The following PLEKHA5 variants were observed in gnomAD, a reference collection of about 807,000 sequenced individuals.
PLEKHA5 encodes the protein pleckstrin homology domain containing A5.
PLEKHA5 carries 55 observed loss-of-function variants against 181.9 expected under a neutral mutation model. The ratio of observed to expected loss-of-function variants is 0.30; its 90% confidence interval spans 0.24 to 0.38. The LOEUF is 0.38. Ranked by LOEUF, PLEKHA5 falls within the 10% of genes least tolerant of loss-of-function variation. The pLI, the probability that PLEKHA5 is intolerant of heterozygous loss-of-function variation, is 1.00. For missense variants in PLEKHA5, 1,432 were observed against 1,549.5 expected (o/e 0.92, Z 1.27); for synonymous variants, 535 against 529.4 (o/e 1.01, Z -0.15).
At chr12:19,167,305 C>G (rs1029595837) in intron 3 of PLEKHA5, among the ~76,000 whole-genome samples, 2 of 151,392 alleles carry the variant, frequency 1.3e-5, no homozygotes, top group Admixed American at 1.3e-4. Flanking sequence ...ACATCAGATG[C>G]AATCGCTTGT....
Position 19,343,377 on chromosome 12 carries a change from C to G in PLEKHA5, c.2605C>G (p.Gln869Glu). The change falls in exon 22 of 32, where the codon CAG (glutamine) becomes GAG (glutamate). Residue 869 changes from glutamine to glutamate, a missense_variant. Gln to Glu is a conservative substitution (Grantham distance 29, BLOSUM62 2). Transcript: ENST00000429027. ...AQIQKELWRI[Q>E]DVMEGLSKHK... ...GATTCAGAAAGAACTTTGGCGAATTCAGGATGTCATGGAAGGGCTGAGTAA... is the reference window on the plus strand; with the variant it reads ...GATTCAGAAAGAACTTTGGCGAATTGAGGATGTCATGGAAGGGCTGAGTAA... 1 of 1,613,714 alleles carries G rather than the reference C, an allele frequency of 6.2e-7. No homozygotes were observed. The highest frequency in any genetic ancestry group is 8.5e-7 in the Non-Finnish European group (1 of 1,179,712).
chr12:19,269,725 GA>G (rs1448513412), intron 8 of PLEKHA5, 44 bp from the exon 9 acceptor site: 1 of 1,006,308 alleles, frequency 9.9e-7, no homozygotes, highest in Non-Finnish European at 1.5e-6. Context: ...TTCTTTTACA[GA>G]ATCCTATATT....
At chr12:19,336,305 G>T (rs528670300) in intron 20 of PLEKHA5, among the ~76,000 whole-genome samples, 1 of 152,252 alleles carries the variant, frequency 6.6e-6, no homozygotes, top group African/African-American at 2.4e-5. Context: ...CTACATTTTA[G>T]GAAATAAACA....
intron 15 of PLEKHA5, among the ~76,000 whole-genome samples, chr12:19,294,482 A>C (rs1431210681): frequency 6.6e-6 from 1 of 152,176 alleles, no homozygotes; most frequent in African/African-American, 2.4e-5. Flanking sequence ...GTCACATTTT[A>C]TACTATATAT....
chr12:19,318,640 C>G (rs1040423409), intron 16 of PLEKHA5, among the ~76,000 whole-genome samples: 1 of 152,120 alleles, frequency 6.6e-6, no homozygotes, highest in African/African-American at 2.4e-5. Flanking sequence ...AAGCAAACTA[C>G]GGCTGGGCGT....
rs564508499 is a variant in PLEKHA5, at chr12:19,286,785, G to C, written c.1780-688G>C. Among the ~76,000 whole-genome samples the C allele has an allele frequency of 3.3e-3, 503 of 151,908 alleles. 3 individuals are homozygous for C. The highest frequency in any genetic ancestry group is 0.012 in the African/African-American group (487 of 41,418). On this transcript the variant is annotated intron_variant, in intron 12 of 31. Transcript: ENST00000429027. ...GTTCGAGACCAGCCTGGCCAACATG[G>C]TGAAACCCCGTCTCTACTAAAAATA...
intron 11 of PLEKHA5, among the ~76,000 whole-genome samples, chr12:19,275,388 G>C (rs180739044): frequency 7.2e-4 from 109 of 152,288 alleles, no homozygotes; most frequent in African/African-American, 2.5e-3. Context: ...CCTGAGACAA[G>C]TAATATGGAG....
chr12:19,143,711 T>A (rs1040833275), intron 3 of PLEKHA5, among the ~76,000 whole-genome samples: 1 of 152,256 alleles, frequency 6.6e-6, no homozygotes, highest in Middle Eastern at 3.4e-3. Context: ...GTATATATAT[T>A]TTTAAAGATT....
chr12:19,304,390 G>A (rs1375718437), intron 15 of PLEKHA5, among the ~76,000 whole-genome samples: 1 of 152,170 alleles, frequency 6.6e-6, no homozygotes, highest in Non-Finnish European at 1.5e-5. Context: ...TTAAAAGGCA[G>A]TTAAAATCTC....
chr12:19,337,548 CA>C (rs1157232818), intron 21 of PLEKHA5, among the ~76,000 whole-genome samples: 10,589 of 61,626 alleles, frequency 0.17, 283 homozygotes, highest in African/African-American at 0.21. Context: ...GACTCTATCT[CA>C]AAAAAAAAAA....
At chr12:19,323,022 T>TTTTTC (rs1286056930) in intron 20 of PLEKHA5, among the ~76,000 whole-genome samples, 1 of 128,710 alleles carries the variant, frequency 7.8e-6, no homozygotes, top group East Asian at 2.3e-4. Flanking sequence ...CTAGATTTTT[T>TTTTTC]TTTTTTTTTT....
intron 3 of PLEKHA5, among the ~76,000 whole-genome samples, chr12:19,170,428 CTTT>C (rs58933149): frequency 3.1e-4 from 44 of 139,918 alleles, no homozygotes; most frequent in Non-Finnish European, 2.4e-4. Flanking sequence ...ATTCAGAAGA[CTTT>C]TTTTTTTTTT....
intron 11 of PLEKHA5, among the ~76,000 whole-genome samples, chr12:19,277,334 A>G (rs1290575163): frequency 6.6e-6 from 1 of 152,218 alleles, no homozygotes; most frequent in Non-Finnish European, 1.5e-5. Context: ...GTATAGAGAG[A>G]GTCAACAGAT....
Position 19,345,824 on chromosome 12 carries a change from G to A in PLEKHA5, c.2663-18G>A, listed in dbSNP as rs1414157661. On this transcript the variant is annotated intron_variant, in intron 22 of 31. Coordinates refer to ENST00000429027, the MANE Select transcript of PLEKHA5 (RefSeq NM_001256470.2). ...AGAAAGATATGTTTAATATAGTTAC[G>A]TTTTCTAATATTCCCAGGTATGATA... 3 of 1,251,620 alleles carry A rather than the reference G, an allele frequency of 2.4e-6. No individual in the cohort carries two copies. The highest frequency in any genetic ancestry group is 2.3e-5 in the East Asian group (1 of 42,650). The allele number at this position is 1,251,620 out of a possible 1,614,324, so 77.5% of individuals were successfully genotyped here.
At chr12:19,334,830 ATATATATATATAT>A (rs1400661458) in intron 20 of PLEKHA5, among the ~76,000 whole-genome samples, 3 of 36,986 alleles carry the variant, frequency 8.1e-5, no homozygotes, top group Admixed American at 4.0e-4. Context: ...AAAAAAAAAA[ATATATATATATAT>A]ATATATATAT....
chr12:19,156,633 A>G (rs1170683132), intron 3 of PLEKHA5, among the ~76,000 whole-genome samples: 1 of 151,978 alleles, frequency 6.6e-6, no homozygotes, highest in Non-Finnish European at 1.5e-5. Flanking sequence ...TGTATTTGGT[A>G]TGAACTCTGA....
At chr12:19,317,167 G>T (rs1425739440) in intron 16 of PLEKHA5, among the ~76,000 whole-genome samples, 1 of 152,062 alleles carries the variant, frequency 6.6e-6, no homozygotes, top group Non-Finnish European at 1.5e-5. Context: ...AGGAGTTTGA[G>T]ACTAGCCTGG....
chr12:19,132,380 T>G lies in PLEKHA5; in HGVS notation c.170-13T>G, dbSNP rs375126298. ...TTGAAGTAATACTAATTGTAATATATGTATTGTTTTAGATTTGCCTACTGG... is the reference window on the plus strand; with the variant it reads ...TTGAAGTAATACTAATTGTAATATAGGTATTGTTTTAGATTTGCCTACTGG... On this transcript the variant is annotated splice_polypyrimidine_tract_variant and intron_variant, in intron 2 of 31. Coordinates refer to ENST00000429027, the MANE Select transcript of PLEKHA5 (RefSeq NM_001256470.2). The G allele has an allele frequency of 7.7e-7, 1 of 1,294,378 alleles. No homozygotes were observed. Among genetic ancestry groups the G allele is most frequent in the African/African-American group, 1.5e-5 (1 of 67,880 alleles). 80.2% of individuals were successfully genotyped at this position (1,294,378 alleles called of 1,614,324 possible).
chr12:19,143,875 G>A (rs1037003265), intron 3 of PLEKHA5, among the ~76,000 whole-genome samples: 1 of 152,032 alleles, frequency 6.6e-6, no homozygotes, highest in Non-Finnish European at 1.5e-5. Flanking sequence ...TCTACTTCCA[G>A]GTAACTTTGT....
Sources: allele counts gnomAD v4.1 joint callset (sites outside exome capture counted in the v4.1 genomes callset), GRCh38; gene constraint gnomAD v4.1.1; transcripts MANE v1.5; gene names NCBI Gene and HGNC (gene_info 2026-07-23, HGNC 2026-07-21).